Variants in LACTB observed in about 807,000 individuals in gnomAD.
The protein encoded by LACTB is lactamase beta.
In LACTB, 35 loss-of-function variants were observed where a neutral mutation model predicts 50.2. That is an observed-to-expected ratio of 0.70 (90% confidence interval 0.53 to 0.92). LACTB has a LOEUF of 0.92. Among genes scored for constraint, LACTB ranks in the 40% least tolerant of loss-of-function variants. The pLI is 0.00. For synonymous variants in LACTB, 252 were observed against 268.2 expected (o/e 0.94, Z 0.59); for missense variants, 664 against 691.8 (o/e 0.96, Z 0.45).
At position 63,126,517 on chromosome 15, in the gene LACTB, C is replaced by G. The variant is rs556624231; in HGVS notation, c.425-342C>G. On this transcript the variant is annotated intron_variant, in intron 2 of 5. Transcript: ENST00000261893. ...CTCAAAAGTCAAAAATAAATATAAT[C>G]TGAAGAAGAATAATGATGTTTTCTT... Among the ~76,000 whole-genome samples, 5 of 152,188 alleles carry G rather than the reference C, an allele frequency of 3.3e-5. No homozygotes were observed. In the South Asian group the frequency reaches 1.0e-3, roughly 32 times the overall value.
chr15:63,132,085 A>G (rs1043189768), intron 5 of LACTB, among the ~76,000 whole-genome samples: 3 of 152,196 alleles, frequency 2.0e-5, no homozygotes, highest in African/African-American at 7.2e-5. Flanking sequence ...CAGGGTGTAC[A>G]TGTGCAGGTT....
At chr15:63,135,076 A>G (rs1311533986) in intron 5 of LACTB, among the ~76,000 whole-genome samples, 1 of 152,212 alleles carries the variant, frequency 6.6e-6, no homozygotes, top group East Asian at 1.9e-4. Context: ...ACATTTAACA[A>G]ATCAACTATT....
rs866051928 is a variant in LACTB, at chr15:63,127,288, G to A, written c.616-65G>A. ...GAAAATATTACTGAGACATTATTCC[G>A]AGGCAACTAACTTTCTATTTTTCAG... On this transcript the variant is annotated intron_variant, in intron 3 of 5. Coordinates refer to ENST00000261893, the MANE Select transcript of LACTB (RefSeq NM_032857.5). 3.4e-5 allele frequency: 42 copies of A among 1,247,814 alleles called. No homozygotes were observed. In the Middle Eastern group the frequency reaches 4.9e-3, roughly 147 times the overall value. 77.3% of individuals were successfully genotyped at this position (1,247,814 alleles called of 1,614,324 possible).
Position 63,126,852 on chromosome 15 carries a change from C to A in LACTB, c.425-7C>A, listed in dbSNP as rs770311929. The A allele has an allele frequency of 5.4e-6, 8 of 1,487,550 alleles. No individual in the cohort carries two copies. The East Asian group carries it at 1.5e-4, about 27-fold the overall frequency. 92.1% of individuals were successfully genotyped at this position (1,487,550 alleles called of 1,614,324 possible). A position where few individuals can be genotyped will look rare whatever the true frequency, so the allele number is the denominator to read the frequency against. The stretch of plus-strand genomic sequence containing the variant: ...TAATAGTGACTTTTTGCTTTTTTCC[C>A]CCAAAGGTTTAGGTTATGCTGATGT... On this transcript the variant is annotated splice_region_variant and splice_polypyrimidine_tract_variant and intron_variant, in intron 2 of 5. Transcript: ENST00000261893.
chr15:63,127,253 G>C, intron 3 of LACTB, 100 bp from the exon 4 acceptor site: 2 of 1,065,130 alleles, frequency 1.9e-6, no homozygotes, highest in Non-Finnish European at 2.7e-6. Flanking sequence ...CCCAGCAGCA[G>C]TTCTAAGTGG....
Position 63,126,954 on chromosome 15 carries a change from C to G in LACTB, c.520C>G (p.Leu174Val). The change falls in exon 3 of 6, where the codon CTT becomes GTT. Residue 174 changes from leucine (L) to valine (V), a missense_variant. Physicochemically the swap from Leu to Val is conservative, Grantham distance 32. Transcript: ENST00000261893. ...CAGCAAAAGTCTCACCATGGTTGCT[C>G]TTGCCAAATTGTGGGAAGCAGGGAA... The part of the protein sequence containing the change: ...SISKSLTMVA[L>V]AKLWEAGKLD... The G allele has an allele frequency of 3.1e-6, 5 of 1,613,628 alleles. No individual in the cohort carries two copies. The highest frequency in any genetic ancestry group is 3.4e-6 in the Non-Finnish European group (4 of 1,179,678).
At chr15:63,131,372 A>T (rs1393887610) in intron 5 of LACTB, 1 of 152,224 alleles carries the variant, frequency 6.6e-6, no homozygotes, top group East Asian at 1.9e-4. Context: ...TTAGTCAATG[A>T]GTTATAATCT....
intron 2 of LACTB, among the ~76,000 whole-genome samples, chr15:63,125,015 G>A (rs968451241): frequency 7.9e-5 from 12 of 151,760 alleles, no homozygotes; most frequent in African/African-American, 2.9e-4. Flanking sequence ...GGGCGCAGTA[G>A]GGGTTTGAAT....
chr15:63,133,296 T>TA (rs1190248537), intron 5 of LACTB, among the ~76,000 whole-genome samples: 2 of 152,234 alleles, frequency 1.3e-5, no homozygotes, highest in Non-Finnish European at 2.9e-5. Context: ...TTCTATGACT[T>TA]AGAGTTTTAA....
chr15:63,127,240 T>C (rs1248389365), intron 3 of LACTB, 113 bp from the exon 4 acceptor site: 3 of 1,011,000 alleles, frequency 3.0e-6, no homozygotes, highest in Non-Finnish European at 4.3e-6. Context: ...TACATGACAT[T>C]TTCCCAGCAG....
rs772833685 is a variant in LACTB at position 63,122,079 on chromosome 15, G to A, written c.208G>A (p.Ala70Thr). 1 of 1,448,940 alleles carries A rather than the reference G, an allele frequency of 6.9e-7. No individual in the cohort carries two copies. The highest frequency in any genetic ancestry group is 1.4e-5 in the South Asian group (1 of 72,840). The allele number at this position is 1,448,940 out of a possible 1,614,324, so 89.8% of individuals were successfully genotyped here. Residue 70 changes from alanine to threonine, a missense_variant, in exon 1 of 6, where the codon GCG (alanine) becomes ACG (threonine). Ala to Thr is a moderately conservative substitution (Grantham distance 58, BLOSUM62 0). Coordinates refer to ENST00000261893, the MANE Select transcript of LACTB (RefSeq NM_032857.5). ...GGGCGCGGCCCCGGCGCAGTCCCCC[G>A]CGGCCCCCGACCCTGAGGCGTCGCC... ...LRGAAPAQSP[A>T]APDPEASPLA...
Position 63,122,028 on chromosome 15 carries a change from G to GGGGTGAAGCTGGC in LACTB, c.158_170dup (p.Gly59GlufsTer21), listed in dbSNP as rs1390458170. On this transcript the variant is annotated frameshift_variant, in exon 1 of 6. Coordinates refer to ENST00000261893, the MANE Select transcript of LACTB (RefSeq NM_032857.5). LOFTEE classifies it high-confidence loss of function. ...CGGGCTGGGGCTGGGGCTGGCGCTC[G>GGGGTGAAGCTGGC]GGGTGAAGCTGGCAGGTGGGCTGAG... 2.1e-6 allele frequency: 3 copies of GGGGTGAAGCTGGC among 1,404,364 alleles called. No individual in the cohort carries two copies. Among genetic ancestry groups the GGGGTGAAGCTGGC allele is most frequent in the Non-Finnish European group, 1.8e-6 (2 of 1,088,100 alleles). 87.0% of individuals were successfully genotyped at this position (1,404,364 alleles called of 1,614,324 possible). A position where few individuals can be genotyped will look rare whatever the true frequency, so the allele number is the denominator to read the frequency against.
At chr15:63,136,482 C>A (rs1224060747) in intron 5 of LACTB, among the ~76,000 whole-genome samples, 1 of 151,916 alleles carries the variant, frequency 6.6e-6, no homozygotes, top group Non-Finnish European at 1.5e-5. Flanking sequence ...GTAGTTGATT[C>A]ATTTTAGTTA....
chr15:63,131,854 A>G (rs1476308779), intron 5 of LACTB, among the ~76,000 whole-genome samples: 1 of 151,968 alleles, frequency 6.6e-6, no homozygotes, highest in Non-Finnish European at 1.5e-5. Flanking sequence ...CTGAGGTGGG[A>G]GGATTGTTTG....
At position 63,141,720 on chromosome 15, in the gene LACTB, C is replaced by G; in HGVS notation, c.1559C>G (p.Ser520Cys). ...NKVPPRGIIVSIICNMQSVGL... is the reference protein window; with the variant it reads ...NKVPPRGIIVCIICNMQSVGL... The stretch of plus-strand genomic sequence containing the variant: ...GTTCCCCCAAGAGGAATCATTGTTT[C>G]TATCATATGTAACATGCAATCTGTT... The change falls in exon 6 of 6, where the codon TCT becomes TGT. Residue 520 changes from serine to cysteine, a missense_variant. Transcript: ENST00000261893. The G allele has an allele frequency of 6.2e-7, 1 of 1,614,140 alleles. No homozygotes were observed. Among genetic ancestry groups the G allele is most frequent in the Non-Finnish European group, 8.5e-7 (1 of 1,180,024 alleles).
intron 5 of LACTB, among the ~76,000 whole-genome samples, chr15:63,134,789 TAGA>T (rs2037161111): frequency 6.7e-6 from 1 of 148,762 alleles, no homozygotes; most frequent in African/African-American, 2.5e-5. Context: ...ACTTCTGTTT[TAGA>T]AGGGTGTGAT....
At position 63,122,018 on chromosome 15, in the gene LACTB, G is replaced by GCTGGGA. The variant is rs1346702119; in HGVS notation, c.151_152insGACTGG (p.Gly49_Leu50dup). Reference sequence around the variant, plus strand: ...TCGGGGGCCTCGGGCTGGGGCTGGGGCTGGCGCTCGGGGTGAAGCTGGCAG... The same window carrying GCTGGGA: ...TCGGGGGCCTCGGGCTGGGGCTGGGGCTGGGACTGGCGCTCGGGGTGAAGCTGGCAG... On this transcript the variant is annotated inframe_insertion, in exon 1 of 6. Coordinates refer to ENST00000261893, the MANE Select transcript of LACTB (RefSeq NM_032857.5). 7.2e-7 allele frequency: 1 copy of GCTGGGA among 1,398,426 alleles called. No individual in the cohort carries two copies. The highest frequency in any genetic ancestry group is 3.0e-5 in the East Asian group (1 of 32,826). 86.6% of individuals were successfully genotyped at this position (1,398,426 alleles called of 1,614,324 possible).
Position 63,141,873 on chromosome 15 carries a change from C to T in LACTB, c.*68C>T. The T allele has an allele frequency of 7.6e-7, 1 of 1,316,444 alleles. No homozygotes were observed. The highest frequency in any genetic ancestry group is 1.0e-6 in the Non-Finnish European group (1 of 959,746). The allele number at this position is 1,316,444 out of a possible 1,614,324, so 81.5% of individuals were successfully genotyped here. On this transcript the variant is annotated 3_prime_UTR_variant, in exon 6 of 6. Coordinates refer to ENST00000261893, the MANE Select transcript of LACTB (RefSeq NM_032857.5). ...TTTTTGAAACATTAAAGTTCCAAAA[C>T]ATGACATTTTTAAGAATAAATTTGA...
intron 4 of LACTB, chr15:63,129,251 GT>G: frequency 1.1e-5 from 3 of 276,418 alleles, no homozygotes; most frequent in Non-Finnish European, 2.0e-5. Context: ...GCAGATTTAT[GT>G]GAAATGTTAA....
Sources: gnomAD v4.1 joint callset for allele counts (sites outside exome capture counted in the v4.1 genomes callset) on GRCh38, gnomAD v4.1.1 for gene constraint, MANE v1.5 for transcripts, NCBI Gene and HGNC (gene_info 2026-07-23, HGNC 2026-07-21) for gene names.